The following KIAA0825 variants were observed in gnomAD, a reference collection of about 807,000 sequenced individuals.
KIAA0825 encodes the protein uncharacterized protein KIAA0825.
In KIAA0825, 119 loss-of-function variants were observed where a neutral mutation model predicts 147.6. That is an observed-to-expected ratio of 0.81 (90% confidence interval 0.69 to 0.94). The LOEUF (loss-of-function observed/expected upper bound fraction) is 0.94. KIAA0825 is among the 40% of genes least tolerant of loss of function. KIAA0825 has a pLI of 0.00. For synonymous variants in KIAA0825, 470 were observed against 518.1 expected (o/e 0.91, Z 1.26); for missense variants, 1,381 against 1,472.7 (o/e 0.94, Z 1.02).
intron 5 of KIAA0825, among the ~76,000 whole-genome samples, chr5:94,507,592 G>C (rs911474887): frequency 6.6e-6 from 1 of 150,744 alleles, no homozygotes; most frequent in Admixed American, 6.6e-5. Flanking sequence ...AAAGACAAAA[G>C]AATGCAAATC....
chr5:94,395,229 C>G (rs1002095378), intron 17 of KIAA0825, among the ~76,000 whole-genome samples: 1 of 152,174 alleles, frequency 6.6e-6, no homozygotes, highest in East Asian at 1.9e-4. Flanking sequence ...AAAGCCTGAT[C>G]TCTTTATCAC....
At position 94,375,033 on chromosome 5, in the gene KIAA0825, C is replaced by CTTT. The variant is rs35435550; in HGVS notation, c.3710+9332_3710+9334dup. Among the ~76,000 whole-genome samples, 48 of 130,486 alleles carry CTTT rather than the reference C, an allele frequency of 3.7e-4. 1 individual carries two copies. Among genetic ancestry groups the CTTT allele is most frequent in the African/African-American group, 5.2e-4 (18 of 34,718 alleles). The allele number at this position is 130,486 out of a possible 152,430, so 85.6% of individuals were successfully genotyped here. A position where few individuals can be genotyped will look rare whatever the true frequency, so the allele number is the denominator to read the frequency against. Reference sequence around the variant, plus strand: ...ATTTTTCTTTTCTTTCTTTCCTTCTCTTTTTTTTTTTTTTTTTTGATAAAG... The same window carrying CTTT: ...ATTTTTCTTTTCTTTCTTTCCTTCTCTTTTTTTTTTTTTTTTTTTTTGATAAAG... On this transcript the variant is annotated intron_variant, in intron 20 of 20. Coordinates refer to ENST00000682413, the MANE Select transcript of KIAA0825 (RefSeq NM_001145678.3).
At chr5:94,314,990 G>C (rs1779515699) in intron 20 of KIAA0825, among the ~76,000 whole-genome samples, 1 of 151,606 alleles carries the variant, frequency 6.6e-6, no homozygotes. Context: ...AGCGGACAGA[G>C]CTCTCAGACA....
rs1363239101 is a variant in KIAA0825 at position 94,152,855 on chromosome 5, ATTATATATATATATAT to A, written c.*1136_*1151del. On this transcript the variant is annotated 3_prime_UTR_variant, in exon 21 of 21. Coordinates refer to ENST00000682413, the MANE Select transcript of KIAA0825 (RefSeq NM_001145678.3). ...AAAAAAAAAAAAAAAAAAAAAAAAA[ATTATATATATATATAT>A]ATATATATATATATATATATATATA... 3.6e-4 allele frequency: 2 copies of A among 5,602 alleles called. No individual in the cohort carries two copies. Among genetic ancestry groups the A allele is most frequent in the African/African-American group, 1.1e-3 (2 of 1,782 alleles). 0.3% of individuals were successfully genotyped at this position (5,602 alleles called of 1,614,324 possible). A position where few individuals can be genotyped will look rare whatever the true frequency, so the allele number is the denominator to read the frequency against.
chr5:94,483,831 A>G (rs1174503456), intron 6 of KIAA0825, among the ~76,000 whole-genome samples: 1 of 151,778 alleles, frequency 6.6e-6, no homozygotes, highest in Non-Finnish European at 1.5e-5. Context: ...AGTAAACATA[A>G]TAAGTGAAAA....
intron 20 of KIAA0825, among the ~76,000 whole-genome samples, chr5:94,162,367 A>G (rs912491371): frequency 6.6e-6 from 1 of 151,874 alleles, no homozygotes; most frequent in African/African-American, 2.4e-5. Context: ...TGGCATGATC[A>G]TAGTTCATTA....
intron 20 of KIAA0825, among the ~76,000 whole-genome samples, chr5:94,310,618 T>C (rs1779076988): frequency 6.6e-6 from 1 of 151,606 alleles, no homozygotes; most frequent in Non-Finnish European, 1.5e-5. Flanking sequence ...AATGTGAACA[T>C]AAAAGGACTA....
At chr5:94,589,146 TAG>T (rs1296504399) in intron 1 of KIAA0825, among the ~76,000 whole-genome samples, 1 of 152,074 alleles carries the variant, frequency 6.6e-6, no homozygotes, top group Non-Finnish European at 1.5e-5. Context: ...CCCTAGAACT[TAG>T]AGTATAACTA....
At chr5:94,188,166 T>G (rs1051341398) in intron 20 of KIAA0825, among the ~76,000 whole-genome samples, 1 of 152,148 alleles carries the variant, frequency 6.6e-6, no homozygotes, top group Non-Finnish European at 1.5e-5. Context: ...ACTCCCAGCC[T>G]CCAGAGGAGA....
At chr5:94,387,062 T>C (rs568329580) in intron 18 of KIAA0825, among the ~76,000 whole-genome samples, 55 of 152,342 alleles carry the variant, frequency 3.6e-4, no homozygotes, top group Non-Finnish European at 6.0e-4. Context: ...ACAATCCTTA[T>C]GTATTTTATG....
At chr5:94,486,014 C>G (rs1425531231) in intron 5 of KIAA0825, among the ~76,000 whole-genome samples, 1 of 151,576 alleles carries the variant, frequency 6.6e-6, no homozygotes, top group East Asian at 1.9e-4. Context: ...TAATAAAATC[C>G]CTTTATACTC....
At chr5:94,211,563 A>G (rs1395170661) in intron 20 of KIAA0825, among the ~76,000 whole-genome samples, 1 of 152,006 alleles carries the variant, frequency 6.6e-6, no homozygotes, top group Non-Finnish European at 1.5e-5. Flanking sequence ...CCTGGACTGT[A>G]TTTCCAGCTT....
intron 14 of KIAA0825, among the ~76,000 whole-genome samples, chr5:94,439,549 G>A (rs913881080): frequency 7.1e-6 from 1 of 141,814 alleles, no homozygotes; most frequent in East Asian, 1.9e-4. Flanking sequence ...TTGTTTGTAA[G>A]TTGCACAAGC....
chr5:94,514,941 T>C (rs943077149), intron 5 of KIAA0825, among the ~76,000 whole-genome samples: 1 of 152,202 alleles, frequency 6.6e-6, no homozygotes, highest in Non-Finnish European at 1.5e-5. Context: ...GGTCAACCTT[T>C]CATCCACTGC....
At chr5:94,251,145 A>T (rs1775938326) in intron 20 of KIAA0825, among the ~76,000 whole-genome samples, 1 of 152,086 alleles carries the variant, frequency 6.6e-6, no homozygotes. Context: ...AACAGTCTGA[A>T]AGAATCCTAG....
intron 5 of KIAA0825, among the ~76,000 whole-genome samples, chr5:94,518,347 TG>T (rs1469026161): frequency 6.6e-6 from 1 of 152,148 alleles, no homozygotes; most frequent in African/African-American, 2.4e-5. Context: ...GCACAGAACA[TG>T]GTAGCTGCTA....
At chr5:94,395,552 A>C (rs1750533848) in intron 17 of KIAA0825, among the ~76,000 whole-genome samples, 1 of 152,150 alleles carries the variant, frequency 6.6e-6, no homozygotes. Flanking sequence ...TGACAAACCC[A>C]TGAGAAGGCT....
intron 20 of KIAA0825, among the ~76,000 whole-genome samples, chr5:94,361,998 C>T (rs1395740890): frequency 6.6e-6 from 1 of 152,158 alleles, no homozygotes; most frequent in Non-Finnish European, 1.5e-5. Flanking sequence ...TCAGGTGCAC[C>T]TCTCTTACTT....
At chr5:94,342,062 G>T (rs1465630185) in intron 20 of KIAA0825, among the ~76,000 whole-genome samples, 1 of 152,088 alleles carries the variant, frequency 6.6e-6, no homozygotes, top group Non-Finnish European at 1.5e-5. Flanking sequence ...CGGGCGTGGT[G>T]GCAGGCGCCT....
Sources: gnomAD v4.1 joint callset for allele counts (sites outside exome capture counted in the v4.1 genomes callset) on GRCh38, gnomAD v4.1.1 for gene constraint, MANE v1.5 for transcripts, NCBI Gene and HGNC (gene_info 2026-07-23, HGNC 2026-07-21) for gene names.